The following KIAA1328 variants were observed in gnomAD, a reference collection of about 807,000 sequenced individuals.
The protein encoded by KIAA1328 is KIAA1328.
In KIAA1328, 52 loss-of-function variants were observed where a neutral mutation model predicts 68.1. The ratio of observed to expected loss-of-function variants is 0.76; its 90% CI spans 0.61 to 0.96. KIAA1328 has a LOEUF of 0.96. Among genes scored for constraint, KIAA1328 ranks in the 40% least tolerant of loss-of-function variants. The pLI, the probability that KIAA1328 is intolerant of heterozygous loss-of-function variation, is 0.00. For synonymous variants in KIAA1328, 232 were observed against 239.4 expected (o/e 0.97, Z 0.28); for missense variants, 641 against 677.6 (o/e 0.95, Z 0.60).
At chr18:37,002,550 C>T (rs1330492304) in intron 6 of KIAA1328, among the ~76,000 whole-genome samples, 2 of 151,474 alleles carry the variant, frequency 1.3e-5, no homozygotes, top group African/African-American at 2.4e-5. Context: ...TACTAGTATA[C>T]TAGTAATGAT....
At chr18:36,870,466 TA>T (rs1331973972) in intron 4 of KIAA1328, among the ~76,000 whole-genome samples, 1 of 149,054 alleles carries the variant, frequency 6.7e-6, no homozygotes, top group African/African-American at 2.4e-5. Context: ...ATTATTCCAT[TA>T]AAAAATAAAG....
intron 6 of KIAA1328, among the ~76,000 whole-genome samples, chr18:36,962,901 T>TA (rs2151286349): frequency 6.6e-6 from 1 of 152,122 alleles, no homozygotes; most frequent in Non-Finnish European, 1.5e-5. Context: ...ACTTCACAAT[T>TA]AAAAGACCTA....
intron 8 of KIAA1328, among the ~76,000 whole-genome samples, chr18:37,161,702 A>G (rs1311411430): frequency 6.6e-6 from 1 of 152,216 alleles, no homozygotes; most frequent in East Asian, 1.9e-4. Context: ...ACTAGTCACA[A>G]CTGGTGTGGT....
chr18:37,001,693 G>A (rs1212910641), intron 6 of KIAA1328, among the ~76,000 whole-genome samples: 1 of 152,068 alleles, frequency 6.6e-6, no homozygotes, highest in East Asian at 1.9e-4. Flanking sequence ...TGCAAAGATG[G>A]CTCAACATAC....
At chr18:36,910,539 T>TG (rs1335097428) in intron 5 of KIAA1328, among the ~76,000 whole-genome samples, 1 of 152,208 alleles carries the variant, frequency 6.6e-6, no homozygotes, top group African/African-American at 2.4e-5. Context: ...ATAGTATAGT[T>TG]TGAAGTCAGG....
intron 4 of KIAA1328, among the ~76,000 whole-genome samples, chr18:36,875,481 G>A (rs1204893700): frequency 6.6e-6 from 1 of 152,132 alleles, no homozygotes; most frequent in Non-Finnish European, 1.5e-5. Context: ...TATTATTGGT[G>A]TATAGGAATG....
At chr18:36,893,098 T>A (rs908848146) in intron 5 of KIAA1328, among the ~76,000 whole-genome samples, 10 of 152,148 alleles carry the variant, frequency 6.6e-5, no homozygotes, top group Non-Finnish European at 1.2e-4. Flanking sequence ...ATACTAAAAT[T>A]CATCCCAATA....
intron 6 of KIAA1328, among the ~76,000 whole-genome samples, chr18:37,054,586 TCA>T (rs1296296085): frequency 6.6e-6 from 1 of 152,180 alleles, no homozygotes; most frequent in Non-Finnish European, 1.5e-5. Flanking sequence ...CCACACGTTC[TCA>T]CTTTTAACTG....
At position 36,829,179 on chromosome 18, in the gene KIAA1328, C is replaced by T; in HGVS notation, c.41C>T (p.Ala14Val). Residue 14 changes from alanine (A) to valine (V), a missense_variant, in exon 1 of 10, where the codon GCG (alanine) becomes GTG (valine). Ala to Val is a moderately conservative substitution (Grantham distance 64). Coordinates refer to ENST00000280020, the MANE Select transcript of KIAA1328 (RefSeq NM_020776.3). The stretch of plus-strand genomic sequence containing the variant: ...GGCCCCTCCCGCCCCAGTGCCGCGG[C>T]GTTCTGGAGCCGGGACTGTATCCTT... The part of the protein sequence containing the change: ...VAGPSRPSAA[A>V]FWSRDFSDEE... The T allele has an allele frequency of 1.2e-5, 19 of 1,532,346 alleles. No individual in the cohort carries two copies. The highest frequency in any genetic ancestry group is 1.5e-5 in the Non-Finnish European group (17 of 1,142,110). 94.9% of individuals were successfully genotyped at this position (1,532,346 alleles called of 1,614,324 possible).
intron 4 of KIAA1328, among the ~76,000 whole-genome samples, chr18:36,884,472 G>C (rs575292585): frequency 9.9e-5 from 15 of 152,134 alleles, no homozygotes; most frequent in Non-Finnish European, 2.1e-4. Flanking sequence ...TCAAAGATAA[G>C]ATACAATCAA....
intron 9 of KIAA1328, among the ~76,000 whole-genome samples, chr18:37,221,612 G>A (rs955759496): frequency 1.3e-5 from 2 of 152,214 alleles, no homozygotes; most frequent in African/African-American, 4.8e-5. Context: ...TAATGGAGAT[G>A]AGAGTAGTAT....
At chr18:36,900,166 A>G (rs2048991486) in intron 5 of KIAA1328, among the ~76,000 whole-genome samples, 1 of 152,008 alleles carries the variant, frequency 6.6e-6, no homozygotes, top group South Asian at 2.1e-4. Flanking sequence ...TAGAGATGCA[A>G]TTCAAATATT....
intron 7 of KIAA1328, among the ~76,000 whole-genome samples, chr18:37,143,521 CTTTTTTT>C (rs57046567): frequency 2.9e-4 from 26 of 90,772 alleles, no homozygotes; most frequent in Admixed American, 5.0e-4. Flanking sequence ...TTTTTTCTTT[CTTTTTTT>C]TTTTTTTTTT....
At chr18:37,044,808 A>G (rs1355972543) in intron 6 of KIAA1328, among the ~76,000 whole-genome samples, 3 of 151,964 alleles carry the variant, frequency 2.0e-5, no homozygotes, top group African/African-American at 7.3e-5. Context: ...CAAAAAAAAA[A>G]AAAAAAATTC....
intron 9 of KIAA1328, among the ~76,000 whole-genome samples, chr18:37,217,210 TA>T (rs953369591): frequency 1.3e-5 from 2 of 152,098 alleles, no homozygotes; most frequent in Admixed American, 6.5e-5. Context: ...ATCCTGTCAT[TA>T]TGATGTTAGC....
At chr18:37,133,403 T>A (rs2058569273) in intron 7 of KIAA1328, among the ~76,000 whole-genome samples, 1 of 151,922 alleles carries the variant, frequency 6.6e-6, no homozygotes, top group Non-Finnish European at 1.5e-5. Flanking sequence ...ACTGGAATAG[T>A]AGAGTTTTTT....
intron 3 of KIAA1328, among the ~76,000 whole-genome samples, chr18:36,843,838 C>G (rs141470368): frequency 6.6e-6 from 1 of 152,258 alleles, no homozygotes; most frequent in Non-Finnish European, 1.5e-5. Context: ...GCCTCTGCTG[C>G]TAATCTTCGT....
chr18:37,112,401 G>A (rs2057959740), intron 7 of KIAA1328, among the ~76,000 whole-genome samples: 1 of 152,184 alleles, frequency 6.6e-6, no homozygotes, highest in Admixed American at 6.5e-5. Context: ...GTGATACCCA[G>A]GCAAACAGCA....
chr18:36,995,273 C>G (rs987014084), intron 6 of KIAA1328, among the ~76,000 whole-genome samples: 1 of 152,150 alleles, frequency 6.6e-6, no homozygotes, highest in Non-Finnish European at 1.5e-5. Context: ...CATGTCCCTG[C>G]AAGGGACATG....
Sources: allele counts gnomAD v4.1 joint callset (sites outside exome capture counted in the v4.1 genomes callset), GRCh38; gene constraint gnomAD v4.1.1; transcripts MANE v1.5; gene names NCBI Gene and HGNC (gene_info 2026-07-23, HGNC 2026-07-21).